DIS3L: variants seen among roughly 807,000 people sequenced by gnomAD.
DIS3L encodes DIS3 like exosome 3'-5' exoribonuclease, also known as DIS3-like exonuclease 1.
DIS3L carries 100 observed loss-of-function variants against 120.3 expected under a neutral mutation model. The ratio of observed to expected loss-of-function variants is 0.83; its 90% confidence interval spans 0.71 to 0.98. The LOEUF (loss-of-function observed/expected upper bound fraction) is 0.98. Among genes scored for constraint, DIS3L ranks in the 50% least tolerant of loss-of-function variants. The pLI is 0.00. For synonymous variants in DIS3L, 426 were observed against 470.6 expected, an observed-to-expected ratio of 0.91 and a Z score of 1.23; for missense variants, 1,196 against 1,314.2, an observed-to-expected ratio of 0.91 and a Z score of 1.39.
chr15:66,299,517 G>A (rs147992177), intron 2 of DIS3L, among the ~76,000 whole-genome samples: 4,319 of 147,268 alleles, frequency 0.029, 89 homozygotes, highest in Non-Finnish European at 0.045. Context: ...TTGCACTCCC[G>A]TCTGGGCAAA....
chr15:66,317,951 TG>T lies in DIS3L; in HGVS notation c.995-497del, dbSNP rs2092837480. On this transcript the variant is annotated intron_variant, in intron 7 of 16. Transcript: ENST00000319212. ...CTTCAAACATACCTTTTCTTGTTGT[TG>T]TTATGTGTGTGTTTTGGTTTTTGTT... Among the ~76,000 whole-genome samples, 4 of 152,200 alleles carry T rather than the reference TG, an allele frequency of 2.6e-5. 1 individual carries two copies. The South Asian group carries it at 8.3e-4, about 32-fold the overall frequency.
In DIS3L at chr15:66,328,981, C is replaced by T; in HGVS notation, c.2213C>T (p.Thr738Ile). 6.2e-7 allele frequency: 1 copy of T among 1,611,556 alleles called. No homozygotes were observed. The highest frequency in any genetic ancestry group is 2.2e-5 in the East Asian group (1 of 44,872). The change falls in exon 13 of 17, where the codon ACA becomes ATA. Residue 738 changes from threonine (T) to isoleucine (I), a missense_variant. By Grantham distance (89) the Thr-to-Ile change is moderately conservative. Transcript: ENST00000319212. ...GFFIDTRSNK[T>I]LADSLDNAND... ...CTGTTCTTTGTCAGGTCCAATAAAA[C>T]ACTGGCTGATTCTCTGGATAATGCG...
At chr15:66,327,360 A>G (rs1323076689) in intron 12 of DIS3L, among the ~76,000 whole-genome samples, 1 of 152,220 alleles carries the variant, frequency 6.6e-6, no homozygotes, top group East Asian at 1.9e-4. Flanking sequence ...TCTTTGTGAC[A>G]ATATCATAAG....
chr15:66,321,591 G>A (rs1357032430), intron 9 of DIS3L, among the ~76,000 whole-genome samples: 2 of 151,832 alleles, frequency 1.3e-5, no homozygotes, highest in Admixed American at 6.6e-5. Context: ...ATGAAACCCC[G>A]TCTCTACTAA....
At position 66,331,856 on chromosome 15, in the gene DIS3L, G is replaced by A; in HGVS notation, c.2536-19G>A. On this transcript the variant is annotated intron_variant, in intron 14 of 16. Coordinates refer to ENST00000319212, the MANE Select transcript of DIS3L (RefSeq NM_001143688.3). ...TGCCAGGGGAGTGTTAAAATGCTTTGGAGTTGTGCTTCTTACAGGCAGCAC... is the reference window on the plus strand; with the variant it reads ...TGCCAGGGGAGTGTTAAAATGCTTTAGAGTTGTGCTTCTTACAGGCAGCAC... The A allele has an allele frequency of 6.5e-7, 1 of 1,547,982 alleles. No homozygotes were observed. Among genetic ancestry groups the A allele is most frequent in the Non-Finnish European group, 8.7e-7 (1 of 1,147,020 alleles).
intron 14 of DIS3L, chr15:66,330,538 A>G (rs2140417309): frequency 1.0e-6 from 1 of 985,286 alleles, no homozygotes; most frequent in Non-Finnish European, 1.2e-6. Context: ...TCTGCTGTGC[A>G]ATGTTGTAGC....
intron 1 of DIS3L, chr15:66,294,475 A>AAT: frequency 1.0e-6 from 1 of 986,450 alleles, no homozygotes; most frequent in Non-Finnish European, 1.2e-6. Flanking sequence ...GAGCTTGGCT[A>AAT]ACCAGCTCTC....
chr15:66,328,682 G>A (rs2140411231), intron 12 of DIS3L, among the ~76,000 whole-genome samples: 1 of 152,322 alleles, frequency 6.6e-6, no homozygotes. Context: ...AATTCAACGA[G>A]TATTTGACCA....
chr15:66,303,816 G>T (rs1426916707), intron 2 of DIS3L, among the ~76,000 whole-genome samples: 2 of 152,158 alleles, frequency 1.3e-5, no homozygotes, highest in African/African-American at 2.4e-5. Context: ...TGTAGGCCGG[G>T]CGCGGTGGCT....
upstream of DIS3L, chr15:66,293,525 G>A: frequency 7.7e-7 from 1 of 1,294,344 alleles, no homozygotes; most frequent in Non-Finnish European, 9.8e-7. Context: ...CTAGGGCCGA[G>A]GGGCGGGTCC....
chr15:66,320,486 G>A lies in DIS3L; in HGVS notation c.1165-85G>A, dbSNP rs1042824166. ...GCCACTCTCCTTGGAACCCAGTATTGTTTGCCTCTTGTTTGTTTGATGCCT... is the reference window on the plus strand; with the variant it reads ...GCCACTCTCCTTGGAACCCAGTATTATTTGCCTCTTGTTTGTTTGATGCCT... On this transcript the variant is annotated intron_variant, in intron 8 of 16. Transcript: ENST00000319212. 3 of 1,448,466 alleles carry A rather than the reference G, an allele frequency of 2.1e-6. No homozygotes were observed. In the African/African-American group the frequency reaches 4.3e-5, roughly 21 times the overall value. The allele number at this position is 1,448,466 out of a possible 1,614,324, so 89.7% of individuals were successfully genotyped here.
At chr15:66,299,126 A>G (rs529514175) in intron 2 of DIS3L, among the ~76,000 whole-genome samples, 11 of 152,334 alleles carry the variant, frequency 7.2e-5, no homozygotes, top group African/African-American at 2.6e-4. Flanking sequence ...CCTGGGGCCC[A>G]TGGGGAGGGG....
In DIS3L at chr15:66,333,085, C is replaced by G; in HGVS notation, c.2938C>G (p.Pro980Ala). Residue 980 changes from proline (P) to alanine (A), a missense_variant, in exon 17 of 17, where the codon CCA becomes GCA. Coordinates refer to ENST00000319212, the MANE Select transcript of DIS3L (RefSeq NM_001143688.3). ...AATTAGTAACAAACCATACAAGATA[C>G]CAAATACAGAACTTATTCATCAGAG... ...EIISNKPYKI[P>A]NTELIHQSSP... 6.2e-7 allele frequency: 1 copy of G among 1,613,220 alleles called. No individual in the cohort carries two copies. The highest frequency in any genetic ancestry group is 8.5e-7 in the Non-Finnish European group (1 of 1,179,990).
rs555891670 is a variant in DIS3L at position 66,306,407 on chromosome 15, G to A, written c.294-417G>A. Among the ~76,000 whole-genome samples the A allele has an allele frequency of 1.6e-4, 25 of 152,298 alleles. 1 individual carries two copies. Among genetic ancestry groups the A allele is most frequent in the Admixed American group, 7.9e-4 (12 of 15,280 alleles). On this transcript the variant is annotated intron_variant, in intron 2 of 16. Coordinates refer to ENST00000319212, the MANE Select transcript of DIS3L (RefSeq NM_001143688.3). ...TAGGGCTGCCAGCAAAAAGTCAAAT[G>A]TATTAATGCTTAATGACATTTATAG...
chr15:66,311,928 G>C (rs2092766712), intron 5 of DIS3L, 28 bp downstream of exon 5: 1 of 1,610,656 alleles, frequency 6.2e-7, no homozygotes, highest in Non-Finnish European at 8.5e-7. Flanking sequence ...GAATGTGTCA[G>C]GGCTGGGCAC....
upstream of DIS3L, chr15:66,293,411 G>A (rs2092542825): frequency 1.8e-6 from 2 of 1,140,598 alleles, no homozygotes; most frequent in Non-Finnish European, 2.2e-6. Flanking sequence ...GCCACTGAGG[G>A]AAGGGAAGAA....
At chr15:66,315,592 A>G (rs2092809342) in intron 7 of DIS3L, among the ~76,000 whole-genome samples, 2 of 152,136 alleles carry the variant, frequency 1.3e-5, no homozygotes, top group Non-Finnish European at 2.9e-5. Flanking sequence ...CCTCTCCATT[A>G]TCAATTTTCC....
intron 1 of DIS3L, among the ~76,000 whole-genome samples, chr15:66,294,742 A>G (rs2092566716): frequency 6.6e-6 from 1 of 152,214 alleles, no homozygotes; most frequent in South Asian, 2.1e-4. Flanking sequence ...TAAATCAGCC[A>G]TCCTCTCCGG....
chr15:66,319,197 C>A (rs1054172972), intron 8 of DIS3L, among the ~76,000 whole-genome samples: 1 of 152,198 alleles, frequency 6.6e-6, no homozygotes, highest in African/African-American at 2.4e-5. Context: ...CTTGGCTCCC[C>A]AAAGTGCTGG....
Sources: gnomAD v4.1 joint callset for allele counts (sites outside exome capture counted in the v4.1 genomes callset) on GRCh38, gnomAD v4.1.1 for gene constraint, MANE v1.5 for transcripts, NCBI Gene and HGNC (gene_info 2026-07-23, HGNC 2026-07-21) for gene names.